The following B4GALNT3 variants were observed in gnomAD, a reference collection of about 807,000 sequenced individuals.
B4GALNT3 encodes the protein beta-1,4-N-acetyl-galactosaminyltransferase 3, also known as beta-1,4-N-acetylgalactosaminyltransferase 3.
In B4GALNT3, 86 loss-of-function variants were observed where a neutral mutation model predicts 120.2. That is an observed-to-expected ratio of 0.72 (90% CI 0.60 to 0.86). The LOEUF (loss-of-function observed/expected upper bound fraction) is 0.86, where lower values mean the gene tolerates loss of function less well. Ranked by LOEUF, B4GALNT3 falls within the 40% of genes least tolerant of loss-of-function variation. The pLI is 0.00. For synonymous variants in B4GALNT3, 518 were observed against 510.4 expected (o/e 1.01, Z -0.20); for missense variants, 1,167 against 1,298.9 (o/e 0.90, Z 1.56).
chr12:460,413 C>T lies in B4GALNT3; in HGVS notation c.37C>T (p.Leu13=), dbSNP rs1287065902. ...CCGGGCCGCGCGGCCCCCGCTGCTC[C>T]TGCGCCCGGTGAAGCTGCTGCGGAG... The part of the protein sequence containing the change: ...SPRAARPPLL[L]RPVKLLRRRF... The change falls in exon 1 of 20, where the codon CTG becomes TTG. Residue 13 remains leucine (L), a synonymous_variant. Coordinates refer to ENST00000266383, the MANE Select transcript of B4GALNT3 (RefSeq NM_173593.4). The surrounding 1 kb of genome is among the most constrained non-coding windows in gnomAD (Gnocchi z 8.0). 1.3e-5 allele frequency: 20 copies of T among 1,527,876 alleles called. No individual in the cohort carries two copies. Among genetic ancestry groups the T allele is most frequent in the Non-Finnish European group, 1.6e-5 (18 of 1,140,672 alleles). The allele number at this position is 1,527,876 out of a possible 1,614,324, so 94.6% of individuals were successfully genotyped here. A position where few individuals can be genotyped will look rare whatever the true frequency, so the allele number is the denominator to read the frequency against.
chr12:548,105 G>C lies in B4GALNT3; in HGVS notation c.786+3G>C. ...GCACCGACCACGTGGAAGTTGCAGTGAGTTTCCTGCTGCTCCCGCCTCTCC... is the reference window on the plus strand; with the variant it reads ...GCACCGACCACGTGGAAGTTGCAGTCAGTTTCCTGCTGCTCCCGCCTCTCC... On this transcript the variant is annotated splice_donor_region_variant and intron_variant, in intron 8 of 19. Transcript: ENST00000266383. This position sits in a 1 kb window ranked among gnomAD's most constrained non-coding sequence, Gnocchi z 4.9. 1 of 1,613,376 alleles carries C rather than the reference G, an allele frequency of 6.2e-7. No individual in the cohort carries two copies.
At chr12:487,990 TA>T (rs931739985) in intron 1 of B4GALNT3, among the ~76,000 whole-genome samples, 43 of 152,112 alleles carry the variant, frequency 2.8e-4, no homozygotes, top group African/African-American at 1.0e-3. Flanking sequence ...AGTAGCCAGA[TA>T]GGGGGAAAAC....
At position 557,986 on chromosome 12, in the gene B4GALNT3, G is replaced by C. The variant is rs368635602; in HGVS notation, c.2535-30G>C. 19 of 1,611,258 alleles carry C rather than the reference G, an allele frequency of 1.2e-5. No homozygotes were observed. In the African/African-American group the frequency reaches 2.5e-4, roughly 22 times the overall value. The stretch of plus-strand genomic sequence containing the variant: ...CAGGGGACCACCGCAGCTGAGTCCT[G>C]ATACGCAGCCCTCTCTCCCCTTCCT... On this transcript the variant is annotated intron_variant, in intron 16 of 19. Coordinates refer to ENST00000266383, the MANE Select transcript of B4GALNT3 (RefSeq NM_173593.4).
chr12:475,398 G>C (rs1474709029), intron 1 of B4GALNT3, among the ~76,000 whole-genome samples: 1 of 152,130 alleles, frequency 6.6e-6, no homozygotes, highest in Non-Finnish European at 1.5e-5. Flanking sequence ...GAGAAAGAGA[G>C]CCAGGAAGAA....
At chr12:495,170 C>T (rs1946376932) in intron 1 of B4GALNT3, among the ~76,000 whole-genome samples, 2 of 152,162 alleles carry the variant, frequency 1.3e-5, no homozygotes, top group African/African-American at 2.4e-5. Flanking sequence ...GGTTAAATAA[C>T]TTGTCTCAAG....
At chr12:500,926 G>T (rs1172328278) in intron 1 of B4GALNT3, among the ~76,000 whole-genome samples, 1 of 129,498 alleles carries the variant, frequency 7.7e-6, no homozygotes, top group African/African-American at 3.0e-5. Flanking sequence ...GGAGTGCAGT[G>T]GCAAGATCTT....
chr12:531,724 T>C (rs1235175300), intron 1 of B4GALNT3, among the ~76,000 whole-genome samples: 1 of 152,176 alleles, frequency 6.6e-6, no homozygotes, highest in Non-Finnish European at 1.5e-5. Context: ...TTGAAACTCA[T>C]ATCTTCCGAC....
intron 19 of B4GALNT3, among the ~76,000 whole-genome samples, chr12:560,577 AG>A (rs1035397766): frequency 1.6e-4 from 24 of 152,314 alleles, no homozygotes; most frequent in African/African-American, 5.1e-4. Context: ...AGAGAATTCG[AG>A]TGAAAAGGGG....
intron 19 of B4GALNT3, among the ~76,000 whole-genome samples, chr12:560,214 C>T (rs372377386): frequency 2.6e-4 from 39 of 152,250 alleles, no homozygotes; most frequent in South Asian, 4.1e-4. Flanking sequence ...AGGGCATAAG[C>T]GCTGTAACAG....
At position 460,527 on chromosome 12, in the gene B4GALNT3, G is replaced by A; in HGVS notation, c.151G>A (p.Gly51Arg). Residue 51 changes from glycine (G) to arginine (R), a missense_variant, in exon 1 of 20, where the codon GGG becomes AGG. Around this residue, in one of 3 missense-constraint regions of B4GALNT3, gnomAD observed 171 missense variants for 161.3 expected, o/e 1.06. Transcript: ENST00000266383. The surrounding 1 kb of genome is among the most constrained non-coding windows in gnomAD (Gnocchi z 8.0). ...ACTGGTGGCGTCGGCCCAGGTCGGC[G>A]GGAACCCCCTGAACCGGAGTAAGTA... Reference protein sequence around the residue: ...LELVASAQVGGNPLNRRYGSW... With the variant: ...LELVASAQVGRNPLNRRYGSW... 2.0e-6 allele frequency: 3 copies of A among 1,536,710 alleles called. No individual in the cohort carries two copies. Among genetic ancestry groups the A allele is most frequent in the East Asian group, 2.5e-5 (1 of 39,472 alleles).
chr12:462,735 T>TTA (rs1459575190), intron 1 of B4GALNT3, among the ~76,000 whole-genome samples: 1 of 152,104 alleles, frequency 6.6e-6, no homozygotes, highest in East Asian at 1.9e-4. Flanking sequence ...CGCTGTCCCG[T>TTA]TATATTCTAC....
chr12:468,071 A>T (rs7137546), intron 1 of B4GALNT3, among the ~76,000 whole-genome samples: 63,007 of 152,016 alleles, frequency 0.41, 13,119 homozygotes, highest in Middle Eastern at 0.5. Flanking sequence ...ACAACTAACT[A>T]CTTCCAGTTT....
At chr12:498,198 C>T (rs1592023706) in intron 1 of B4GALNT3, among the ~76,000 whole-genome samples, 1 of 152,172 alleles carries the variant, frequency 6.6e-6, no homozygotes, top group Non-Finnish European at 1.5e-5. Context: ...TCTTTCCATT[C>T]GATGCTGTTT....
At chr12:491,796 C>T (rs892355997) in intron 1 of B4GALNT3, among the ~76,000 whole-genome samples, 6 of 151,994 alleles carry the variant, frequency 3.9e-5, no homozygotes, top group Non-Finnish European at 8.8e-5. Flanking sequence ...TGGCTTACGC[C>T]TGTAATCCCA....
chr12:514,515 G>A (rs887542332), intron 1 of B4GALNT3, among the ~76,000 whole-genome samples: 2 of 152,080 alleles, frequency 1.3e-5, no homozygotes, highest in East Asian at 3.9e-4. Context: ...TTAAATAAAA[G>A]ACTAATAAAT....
intron 10 of B4GALNT3, 86 bp downstream of exon 10, chr12:549,998 C>T: frequency 2.1e-6 from 3 of 1,427,694 alleles, no homozygotes; most frequent in Non-Finnish European, 2.9e-6. Flanking sequence ...GCTTGAGAGA[C>T]CTGCCAAGTA....
chr12:504,920 C>T (rs1946482112), intron 1 of B4GALNT3, among the ~76,000 whole-genome samples: 1 of 148,072 alleles, frequency 6.8e-6, no homozygotes, highest in African/African-American at 2.5e-5. Flanking sequence ...GATGGAGTTT[C>T]GCTCTTGTTG....
rs1046657633 is a variant in B4GALNT3 at position 550,381 on chromosome 12, T to G, written c.997+469T>G. 1.3e-5 allele frequency among the ~76,000 whole-genome samples: 2 copies of G among 152,060 alleles called. No individual in the cohort carries two copies. Among genetic ancestry groups the G allele is most frequent in the African/African-American group, 4.8e-5 (2 of 41,386 alleles). Reference sequence around the variant, plus strand: ...GCTCATTCCTGTCATCCTGGCACTTTGGGATGCTGAGGTGGGAGGATCGCT... The same window carrying G: ...GCTCATTCCTGTCATCCTGGCACTTGGGGATGCTGAGGTGGGAGGATCGCT... On this transcript the variant is annotated intron_variant, in intron 10 of 19. Coordinates refer to ENST00000266383, the MANE Select transcript of B4GALNT3 (RefSeq NM_173593.4). The surrounding 1 kb of genome is among the most constrained non-coding windows in gnomAD (Gnocchi z 4.1).
chr12:548,430 T>G lies in B4GALNT3; in HGVS notation c.853+133T>G. ...TGCTTGGGACACGGGTATGAAGGGG[T>G]CCAGAACAAGAGTGGGACCTTATGA... On this transcript the variant is annotated intron_variant, in intron 9 of 19. Coordinates refer to ENST00000266383, the MANE Select transcript of B4GALNT3 (RefSeq NM_173593.4). The surrounding 1 kb of genome is among the most constrained non-coding windows in gnomAD (Gnocchi z 4.9). 2 of 788,278 alleles carry G rather than the reference T, an allele frequency of 2.5e-6. No individual in the cohort carries two copies. Among genetic ancestry groups the G allele is most frequent in the African/African-American group, 1.7e-5 (1 of 58,296 alleles). 48.8% of individuals were successfully genotyped at this position (788,278 alleles called of 1,614,324 possible). A position where few individuals can be genotyped will look rare whatever the true frequency, so the allele number is the denominator to read the frequency against.
Sources: gnomAD v4.1 joint callset for allele counts (sites outside exome capture counted in the v4.1 genomes callset) on GRCh38, gnomAD v4.1.1 for gene constraint, gnomAD v4.1.1 regional missense constraint, Gnocchi (gnomAD v3.1) non-coding constraint, MANE v1.5 for transcripts, NCBI Gene and HGNC (gene_info 2026-07-23, HGNC 2026-07-21) for gene names.